Variants in RPIA observed in about 807,000 individuals in gnomAD.
RPIA encodes ribose-5-phosphate isomerase.
Under a neutral mutation model 37.8 loss-of-function variants are expected in RPIA, and 29 were observed. The observed-to-expected ratio is 0.77, with a 90% CI of 0.57 to 1.05. The LOEUF (loss-of-function observed/expected upper bound fraction) is 1.05. RPIA is among the 50% of genes least tolerant of loss of function. The pLI is 0.00. For synonymous variants in RPIA, 167 were observed against 157.0 expected, an observed-to-expected ratio of 1.06 and a Z score of -0.48; for missense variants, 385 against 413.6, an observed-to-expected ratio of 0.93 and a Z score of 0.60.
At chr2:88,699,736 T>C (rs1672804965) in intron 2 of RPIA, among the ~76,000 whole-genome samples, 1 of 152,172 alleles carries the variant, frequency 6.6e-6, no homozygotes. Flanking sequence ...ATATACAAAG[T>C]TCTTAGAATA....
intron 1 of RPIA, among the ~76,000 whole-genome samples, chr2:88,696,656 A>G (rs1672752514): frequency 6.6e-6 from 1 of 152,214 alleles, no homozygotes. Flanking sequence ...GGAACTGGAA[A>G]GGTTATTAGA....
chr2:88,735,235 G>A (rs1673300579), intron 5 of RPIA, among the ~76,000 whole-genome samples: 1 of 152,188 alleles, frequency 6.6e-6, no homozygotes, highest in Non-Finnish European at 1.5e-5. Flanking sequence ...AACCCTAGAG[G>A]TAGACCTGGA....
At chr2:88,745,247 T>G (rs1017403702) in intron 8 of RPIA, among the ~76,000 whole-genome samples, 1 of 152,174 alleles carries the variant, frequency 6.6e-6, no homozygotes, top group African/African-American at 2.4e-5. Context: ...GTGTACCTTT[T>G]AAGTAGAGCA....
chr2:88,704,884 A>G (rs1337809200), intron 3 of RPIA, among the ~76,000 whole-genome samples: 2 of 152,180 alleles, frequency 1.3e-5, no homozygotes, highest in African/African-American at 4.8e-5. Flanking sequence ...CAGGATACAA[A>G]ATCAATGTGC....
chr2:88,714,473 C>G (rs908825796), intron 3 of RPIA, among the ~76,000 whole-genome samples: 2 of 152,166 alleles, frequency 1.3e-5, no homozygotes, highest in African/African-American at 4.8e-5. Context: ...TGCCTGGCCC[C>G]TGTCTGCTCC....
chr2:88,740,173 G>T (rs1224656143), intron 8 of RPIA, among the ~76,000 whole-genome samples: 1 of 152,186 alleles, frequency 6.6e-6, no homozygotes, highest in Admixed American at 6.5e-5. Context: ...TGCCGTATAG[G>T]TGGAGTTCTT....
rs115510205 is a variant in RPIA at position 88,698,330 on chromosome 2, G to A, written c.286-154G>A. 6.0e-3 allele frequency among the ~76,000 whole-genome samples: 914 copies of A among 152,208 alleles called. 8 individuals carry two copies. Among genetic ancestry groups the A allele is most frequent in the Non-Finnish European group, 8.3e-3 (565 of 68,004 alleles). ...CTAAAGTACAGCATTGAGGTTCATT[G>A]TTTATGTTCCTATAAAATAGGCACA... On this transcript the variant is annotated intron_variant, in intron 1 of 8. Transcript: ENST00000283646.
At chr2:88,695,315 G>A (rs1672719275) in intron 1 of RPIA, among the ~76,000 whole-genome samples, 1 of 152,204 alleles carries the variant, frequency 6.6e-6, no homozygotes, top group Non-Finnish European at 1.5e-5. Context: ...GAAGGAGGAG[G>A]CAATCTTGGG....
intron 3 of RPIA, among the ~76,000 whole-genome samples, chr2:88,724,472 A>G (rs1261199697): frequency 6.6e-6 from 1 of 151,840 alleles, no homozygotes; most frequent in Non-Finnish European, 1.5e-5. Context: ...ACACCTGGCT[A>G]ATTTTTTTGT....
intron 3 of RPIA, among the ~76,000 whole-genome samples, chr2:88,726,734 G>A (rs779914137): frequency 5.3e-5 from 8 of 152,096 alleles, no homozygotes; most frequent in Non-Finnish European, 7.4e-5. Flanking sequence ...TCAGTTAGCA[G>A]TGTGGGGTTT....
intron 3 of RPIA, among the ~76,000 whole-genome samples, chr2:88,718,072 G>A (rs977701081): frequency 3.9e-5 from 6 of 152,010 alleles, no homozygotes; most frequent in East Asian, 1.9e-4. Flanking sequence ...CTCCAAATTC[G>A]GAACAGTGGG....
intron 3 of RPIA, 106 bp from the exon 4 acceptor site, chr2:88,729,170 GGA>G: frequency 8.5e-7 from 1 of 1,175,638 alleles, no homozygotes; most frequent in Non-Finnish European, 1.2e-6. Context: ...CTGGGCTTTG[GGA>G]GAGAGCCTGG....
chr2:88,697,853 C>G (rs996200184), intron 1 of RPIA, among the ~76,000 whole-genome samples: 1 of 152,152 alleles, frequency 6.6e-6, no homozygotes, highest in African/African-American at 2.4e-5. Flanking sequence ...TTACTTCAGG[C>G]CCTCCCTTTA....
At chr2:88,720,661 T>C (rs1673109208) in intron 3 of RPIA, among the ~76,000 whole-genome samples, 1 of 151,190 alleles carries the variant, frequency 6.6e-6, no homozygotes, top group Non-Finnish European at 1.5e-5. Context: ...TTAATAGTTA[T>C]GAGATACCAT....
At position 88,750,184 on chromosome 2, in the gene RPIA, T is replaced by G; in HGVS notation, c.*106T>G. On this transcript the variant is annotated 3_prime_UTR_variant, in exon 9 of 9. Transcript: ENST00000283646. ...TTAATGTATCTCTGCCTGGACAACT[T>G]GTGGTGGGGGGTGGGGGGAAGAGTG... The G allele has an allele frequency of 2.5e-5, 16 of 649,116 alleles. No homozygotes were observed. The highest frequency in any genetic ancestry group is 3.5e-5 in the East Asian group (1 of 28,690). The allele number at this position is 649,116 out of a possible 1,614,324, so 40.2% of individuals were successfully genotyped here.
intron 3 of RPIA, among the ~76,000 whole-genome samples, chr2:88,720,132 T>C (rs914831202): frequency 3.3e-5 from 5 of 152,110 alleles, no homozygotes; most frequent in Non-Finnish European, 7.4e-5. Context: ...TTACAGGACT[T>C]GGTATCCTTC....
chr2:88,723,032 C>T (rs1193998957), intron 3 of RPIA, among the ~76,000 whole-genome samples: 4 of 151,844 alleles, frequency 2.6e-5, no homozygotes, highest in African/African-American at 7.3e-5. Flanking sequence ...TTTGCAGCTG[C>T]GAGGAATTTT....
chr2:88,739,779 G>A (rs533035892), intron 8 of RPIA, among the ~76,000 whole-genome samples: 1 of 152,006 alleles, frequency 6.6e-6, no homozygotes, highest in Non-Finnish European at 1.5e-5. Context: ...CACCAGGACC[G>A]GCTAAGTTTT....
chr2:88,714,716 G>A (rs1379773291), intron 3 of RPIA, among the ~76,000 whole-genome samples: 2 of 152,206 alleles, frequency 1.3e-5, no homozygotes, highest in African/African-American at 4.8e-5. Context: ...TATTCTGGAT[G>A]TAAACTTGCT....
Sources: gnomAD v4.1 joint callset for allele counts (sites outside exome capture counted in the v4.1 genomes callset) on GRCh38, gnomAD v4.1.1 for gene constraint, MANE v1.5 for transcripts, NCBI Gene and HGNC (gene_info 2026-07-23, HGNC 2026-07-21) for gene names.